The following HMBOX1 variants were observed in gnomAD, a reference collection of about 807,000 sequenced individuals.
The protein encoded by HMBOX1 is homeobox-containing protein 1.
A neutral mutation model predicts 54.5 loss-of-function variants in HMBOX1; 14 were observed. The observed-to-expected ratio is 0.26, with a 90% CI of 0.17 to 0.40. The LOEUF is 0.40. HMBOX1 is among the 10% of genes least tolerant of loss of function. The probability of loss-of-function intolerance (pLI) is 1.00; values close to 1 mark genes in which losing one functional copy is unlikely to be tolerated. For missense variants in HMBOX1, 332 were observed against 514.4 expected (o/e 0.65, Z 3.43); for synonymous variants, 160 against 181.0 (o/e 0.88, Z 0.93).
At chr8:28,926,210 A>G (rs116715329) in intron 1 of HMBOX1, among the ~76,000 whole-genome samples, 4,366 of 151,982 alleles carry the variant, frequency 0.029, 198 homozygotes, top group African/African-American at 0.1. Context: ...ACTGAGGCTT[A>G]CCTGAGCCCG....
chr8:28,995,207 G>A (rs1013868546), intron 4 of HMBOX1, among the ~76,000 whole-genome samples: 1 of 152,078 alleles, frequency 6.6e-6, no homozygotes. Flanking sequence ...TATACTTTCT[G>A]TCTCTGCAGA....
chr8:28,891,977 T>TCTTC lies in HMBOX1; in HGVS notation c.-58+1310_-58+1313dup, dbSNP rs553471373. Among the ~76,000 whole-genome samples, 496 of 152,128 alleles carry TCTTC rather than the reference T, an allele frequency of 3.3e-3. 1 individual carries two copies. Among genetic ancestry groups the TCTTC allele is most frequent in the African/African-American group, 0.011 (456 of 41,558 alleles). On this transcript the variant is annotated intron_variant, in intron 1 of 9. Coordinates refer to ENST00000287701, the MANE Select transcript of HMBOX1 (RefSeq NM_001135726.3). ...CAGGTACAGAAACCTCTGGCTTCCCTCTTCCTTCCTTCCTATCCTCCCTCC... is the reference window on the plus strand; with the variant it reads ...CAGGTACAGAAACCTCTGGCTTCCCTCTTCCTTCCTTCCTTCCTATCCTCCCTCC...
intron 4 of HMBOX1, among the ~76,000 whole-genome samples, chr8:28,987,071 G>C (rs893069809): frequency 6.6e-6 from 1 of 152,062 alleles, no homozygotes; most frequent in African/African-American, 2.4e-5. Flanking sequence ...TACATTTTTG[G>C]TGTAAATACT....
intron 6 of HMBOX1, among the ~76,000 whole-genome samples, chr8:29,024,031 AGTT>A (rs1326869944): frequency 2.6e-5 from 4 of 152,198 alleles, no homozygotes; most frequent in Non-Finnish European, 4.4e-5. Context: ...AGGAGTCACA[AGTT>A]GTTGTATTGA....
At chr8:29,011,481 G>T (rs1834211207) in intron 5 of HMBOX1, among the ~76,000 whole-genome samples, 1 of 152,188 alleles carries the variant, frequency 6.6e-6, no homozygotes, top group Non-Finnish European at 1.5e-5. Flanking sequence ...GATTGAATCT[G>T]TTATTCTGAT....
intron 1 of HMBOX1, among the ~76,000 whole-genome samples, chr8:28,958,234 T>A (rs1824822565): frequency 6.6e-6 from 1 of 152,224 alleles, no homozygotes; most frequent in Non-Finnish European, 1.5e-5. Context: ...CCTGAGCCGC[T>A]GGGATTACAA....
intron 4 of HMBOX1, among the ~76,000 whole-genome samples, chr8:28,981,049 T>A (rs1272991545): frequency 6.6e-6 from 1 of 152,298 alleles, no homozygotes; most frequent in East Asian, 1.9e-4. Flanking sequence ...TCTTCAACAA[T>A]AACTTATGAT....
At chr8:28,940,702 T>G (rs1821248541) in intron 1 of HMBOX1, among the ~76,000 whole-genome samples, 1 of 152,240 alleles carries the variant, frequency 6.6e-6, no homozygotes, top group Non-Finnish European at 1.5e-5. Flanking sequence ...GGCTTCCAAC[T>G]GATACGTAAT....
At chr8:29,026,450 T>G (rs1563607542) in intron 6 of HMBOX1, among the ~76,000 whole-genome samples, 1 of 152,134 alleles carries the variant, frequency 6.6e-6, no homozygotes, top group Non-Finnish European at 1.5e-5. Flanking sequence ...TGGAGGTGCT[T>G]GTACAACTTT....
chr8:28,930,176 C>T (rs1294280045), intron 1 of HMBOX1, among the ~76,000 whole-genome samples: 1 of 152,074 alleles, frequency 6.6e-6, no homozygotes, highest in Non-Finnish European at 1.5e-5. Context: ...CTCTTTACTA[C>T]TAAAAACAGC....
At chr8:28,999,703 T>C (rs971355675) in intron 4 of HMBOX1, among the ~76,000 whole-genome samples, 1 of 152,146 alleles carries the variant, frequency 6.6e-6, no homozygotes, top group East Asian at 1.9e-4. Flanking sequence ...TTATTTTTTA[T>C]ACTTTTCAAT....
chr8:29,018,646 G>T, intron 5 of HMBOX1, 114 bp from the exon 6 acceptor site: 1 of 1,030,558 alleles, frequency 9.7e-7, no homozygotes, highest in Non-Finnish European at 1.4e-6. Flanking sequence ...AAGATACATT[G>T]ATTAAGTTGT....
intron 4 of HMBOX1, among the ~76,000 whole-genome samples, chr8:28,989,432 T>G (rs954877975): frequency 6.6e-6 from 1 of 152,206 alleles, no homozygotes; most frequent in Non-Finnish European, 1.5e-5. Flanking sequence ...TTTTTTCTTA[T>G]AGAGATCCAG....
intron 1 of HMBOX1, among the ~76,000 whole-genome samples, chr8:28,934,910 G>C (rs1204533368): frequency 6.9e-6 from 1 of 144,900 alleles, no homozygotes; most frequent in Non-Finnish European, 1.5e-5. Flanking sequence ...CTGGGCGACA[G>C]AGCGAGACTC....
Position 29,047,286 on chromosome 8 carries a change from T to G in HMBOX1, c.935-72T>G. ...AATCAAAAGCAACAAAATAAAAATA[T>G]TAGCCCTTAAAACTAGTTTATTCTT... is the stretch of plus-strand genomic sequence containing the variant. On this transcript the variant is annotated intron_variant, in intron 7 of 9. Coordinates refer to ENST00000287701, the MANE Select transcript of HMBOX1 (RefSeq NM_001135726.3). 2 of 865,650 alleles carry G rather than the reference T, an allele frequency of 2.3e-6. 1 individual carries two copies. Among genetic ancestry groups the G allele is most frequent in the Non-Finnish European group, 3.8e-6 (2 of 519,956 alleles). The allele number at this position is 865,650 out of a possible 1,614,324, so 53.6% of individuals were successfully genotyped here.
chr8:28,926,304 T>TATATACACAC (rs796953426), intron 1 of HMBOX1, among the ~76,000 whole-genome samples: 8 of 142,138 alleles, frequency 5.6e-5, no homozygotes, highest in African/African-American at 2.1e-4. Flanking sequence ...TATATATATA[T>TATATACACAC]ACACACACAC....
intron 3 of HMBOX1, among the ~76,000 whole-genome samples, chr8:28,977,741 C>T (rs1007775622): frequency 1.3e-5 from 2 of 151,798 alleles, no homozygotes; most frequent in African/African-American, 4.8e-5. Flanking sequence ...GAGATCAAGA[C>T]CATCCTGGCT....
intron 4 of HMBOX1, among the ~76,000 whole-genome samples, chr8:28,988,321 C>T (rs1166402461): frequency 6.6e-6 from 1 of 152,184 alleles, no homozygotes; most frequent in African/African-American, 2.4e-5. Flanking sequence ...TTAGTTTACC[C>T]ATTAATCAGT....
intron 6 of HMBOX1, among the ~76,000 whole-genome samples, chr8:29,029,889 C>T (rs1470731186): frequency 2.0e-5 from 3 of 152,008 alleles, no homozygotes; most frequent in Non-Finnish European, 2.9e-5. Context: ...CAAATTTCTT[C>T]TCTTTGTACT....
Sources: gnomAD v4.1 joint callset for allele counts (sites outside exome capture counted in the v4.1 genomes callset) on GRCh38, gnomAD v4.1.1 for gene constraint, MANE v1.5 for transcripts, NCBI Gene and HGNC (gene_info 2026-07-23, HGNC 2026-07-21) for gene names.